Variants in STKLD1 observed in about 807,000 individuals in gnomAD.
The protein encoded by STKLD1 is serine/threonine kinase-like domain-containing protein STKLD1.
In STKLD1, 79 loss-of-function variants were observed where a neutral mutation model predicts 80.4. That is an observed-to-expected ratio of 0.98 (90% CI 0.82 to 1.19). The LOEUF (loss-of-function observed/expected upper bound fraction) is 1.19, where lower values mean the gene tolerates loss of function less well. Among genes scored for constraint, STKLD1 ranks in the 50% most tolerant of loss-of-function variants. The pLI, the probability that STKLD1 is intolerant of heterozygous loss-of-function variation, is 0.00. For synonymous variants in STKLD1, 393 were observed against 357.6 expected (o/e 1.10, Z -1.12); for missense variants, 841 against 856.0 (o/e 0.98, Z 0.22).
At chr9:133,392,490 G>A (rs1365738932) in intron 7 of STKLD1, among the ~76,000 whole-genome samples, 2 of 150,538 alleles carry the variant, frequency 1.3e-5, no homozygotes, top group African/African-American at 4.9e-5. Flanking sequence ...TGGATGGATG[G>A]ATAGGTGGGT....
At position 133,387,461 on chromosome 9, in the gene STKLD1, C is replaced by T. The variant is rs2130279640; in HGVS notation, c.309C>T (p.Tyr103=). The T allele has an allele frequency of 1.1e-5, 17 of 1,613,850 alleles. No individual in the cohort carries two copies. The highest frequency in any genetic ancestry group is 1.7e-5 in the Admixed American group (1 of 60,008). ...ITWNGEISSL[Y]LCLVMEFNEL... ...TGTCCCAGCAGATCTCTTCTCTGTA[C>T]CTCTGCCTGGTGATGGAGTTCAATG... The change falls in exon 5 of 18, where the codon TAC becomes TAT. Residue 103 remains tyrosine, a synonymous_variant. Coordinates refer to ENST00000371957, the MANE Select transcript of STKLD1 (RefSeq NM_153710.5).
At chr9:133,400,282 T>C in intron 11 of STKLD1, 131 bp from the exon 12 acceptor site, 2 of 680,264 alleles carry the variant, frequency 2.9e-6, no homozygotes, top group East Asian at 2.6e-5. Flanking sequence ...CTAATCCTCA[T>C]TGTCCTTCCC....
At chr9:133,399,408 C>T (rs1253595442) in intron 11 of STKLD1, among the ~76,000 whole-genome samples, 1 of 152,182 alleles carries the variant, frequency 6.6e-6, no homozygotes, top group Non-Finnish European at 1.5e-5. Context: ...TTACCATTCC[C>T]TCCCTCCCCT....
intron 10 of STKLD1, among the ~76,000 whole-genome samples, 195 bp from the exon 11 acceptor site, chr9:133,397,777 T>C (rs1359747552): frequency 6.6e-6 from 1 of 152,162 alleles, no homozygotes; most frequent in Non-Finnish European, 1.5e-5. Context: ...TTGGGTTCTA[T>C]TAAGGAAAAG....
chr9:133,383,285 T>G (rs1209849465), intron 2 of STKLD1, among the ~76,000 whole-genome samples: 1 of 870 alleles, frequency 1.1e-3, no homozygotes, highest in Non-Finnish European at 2.4e-3. Flanking sequence ...ATGGTGGTGG[T>G]GTGATGATGT....
chr9:133,398,428 C>T lies in STKLD1; in HGVS notation c.1081+373C>T, dbSNP rs113774505. On this transcript the variant is annotated intron_variant, in intron 11 of 17. Coordinates refer to ENST00000371957, the MANE Select transcript of STKLD1 (RefSeq NM_153710.5). ...GCACTTGTTTCCGTAGCACAGATTC[C>T]TAGATGTTCAAGAGTGTGAATACTT... Among the ~76,000 whole-genome samples, 276 of 152,294 alleles carry T rather than the reference C, an allele frequency of 1.8e-3. 4 individuals carry two copies. In the Middle Eastern group the frequency reaches 0.031, roughly 17 times the overall value.
At chr9:133,378,913 AGCCACTT>A in intron 1 of STKLD1, 116 bp from the exon 2 acceptor site, 1 of 759,990 alleles carries the variant, frequency 1.3e-6, no homozygotes, top group Admixed American at 2.7e-5. Flanking sequence ...GATGGGGTGG[AGCCACTT>A]GCTCTGCCAG....
At chr9:133,396,623 G>A (rs990053700) in intron 9 of STKLD1, among the ~76,000 whole-genome samples, 1 of 151,998 alleles carries the variant, frequency 6.6e-6, no homozygotes, top group Non-Finnish European at 1.5e-5. Context: ...TGGGCATGGT[G>A]GGGTGCGCCT....
chr9:133,392,021 C>T (rs1486072899), intron 7 of STKLD1, among the ~76,000 whole-genome samples: 3 of 150,690 alleles, frequency 2.0e-5, no homozygotes, highest in African/African-American at 7.3e-5. Flanking sequence ...AGAGATCAAC[C>T]ACAGAGGAGG....
chr9:133,383,305 A>G (rs1478784173), intron 2 of STKLD1, among the ~76,000 whole-genome samples: 36 of 518 alleles, frequency 0.069, 2 homozygotes, highest in Non-Finnish European at 0.085. Flanking sequence ...TGATGGTGGT[A>G]ATGGTGGTGG....
rs36091105 is a variant in STKLD1 at position 133,394,682 on chromosome 9, C to T, written c.702+273C>T. 22,508 of 447,496 alleles carry T rather than the reference C, an allele frequency of 0.05. 768 individuals are homozygous for T. The highest frequency in any genetic ancestry group is 0.069 in the Non-Finnish European group (16,912 of 244,424). The allele number at this position is 447,496 out of a possible 1,614,324, so 27.7% of individuals were successfully genotyped here. ...CGCAGCAGCCCTCCAGGTGGTGTCA[C>T]TGACTCTTGATGGAGAAAAGCCAAG... On this transcript the variant is annotated intron_variant, in intron 8 of 17. Coordinates refer to ENST00000371957, the MANE Select transcript of STKLD1 (RefSeq NM_153710.5). This position sits in a 1 kb window ranked among gnomAD's most constrained non-coding sequence, Gnocchi z 4.9.
chr9:133,401,329 G>T (rs960176286), intron 12 of STKLD1, among the ~76,000 whole-genome samples: 1 of 152,064 alleles, frequency 6.6e-6, no homozygotes, highest in African/African-American at 2.4e-5. Flanking sequence ...AGTAGAGACG[G>T]GTTTCACCAT....
chr9:133,405,467 A>G lies in STKLD1; in HGVS notation c.*46A>G. 1 of 1,534,996 alleles carries G rather than the reference A, an allele frequency of 6.5e-7. No homozygotes were observed. Among genetic ancestry groups the G allele is most frequent in the Non-Finnish European group, 8.7e-7 (1 of 1,143,248 alleles). ...TTGATCTCCACGTGTATAGTTTTCA[A>G]GACTGCTCTCCTGCCTGCCTATTAT... On this transcript the variant is annotated 3_prime_UTR_variant, in exon 18 of 18. Coordinates refer to ENST00000371957, the MANE Select transcript of STKLD1 (RefSeq NM_153710.5).
chr9:133,395,527 G>T, intron 8 of STKLD1, 73 bp from the exon 9 acceptor site: 1 of 1,508,724 alleles, frequency 6.6e-7, no homozygotes, highest in Non-Finnish European at 8.9e-7. Flanking sequence ...GTCCCTGGTC[G>T]TCCCCTGCCC....
chr9:133,381,287 G>A (rs1415707482), intron 2 of STKLD1, among the ~76,000 whole-genome samples: 2 of 151,038 alleles, frequency 1.3e-5, no homozygotes, highest in African/African-American at 2.4e-5. Flanking sequence ...TTACAGGCAC[G>A]TGCCACCACA....
At chr9:133,400,381 A>C in intron 11 of STKLD1, 32 bp from the exon 12 acceptor site, 1 of 1,569,228 alleles carries the variant, frequency 6.4e-7, no homozygotes, top group Non-Finnish European at 8.7e-7. Flanking sequence ...CTGGCCCAAA[A>C]TGAGTCTCCC....
At chr9:133,403,622 A>C in intron 14 of STKLD1, 78 bp from the exon 15 acceptor site, 1 of 1,533,848 alleles carries the variant, frequency 6.5e-7, no homozygotes, top group Non-Finnish European at 8.8e-7. Flanking sequence ...GGAGGAAGGC[A>C]GCAGATGGGG....
At chr9:133,383,294 G>GGTAA (rs1374172249) in intron 2 of STKLD1, among the ~76,000 whole-genome samples, 1 of 928 alleles carries the variant, frequency 1.1e-3, no homozygotes. Flanking sequence ...GTGTGATGAT[G>GGTAA]TGATGGTGGT....
In STKLD1 at chr9:133,405,498, C is replaced by G; in HGVS notation, c.*77C>G. ...CTCTCCTGCCTGCCTATTATCCCATCTCTATGACTGGGCCAAAATCAATCT... is the reference window on the plus strand; with the variant it reads ...CTCTCCTGCCTGCCTATTATCCCATGTCTATGACTGGGCCAAAATCAATCT... On this transcript the variant is annotated 3_prime_UTR_variant, in exon 18 of 18. Coordinates refer to ENST00000371957, the MANE Select transcript of STKLD1 (RefSeq NM_153710.5). 7.0e-7 allele frequency: 1 copy of G among 1,436,094 alleles called. No individual in the cohort carries two copies. The highest frequency in any genetic ancestry group is 1.9e-4 in the Middle Eastern group (1 of 5,170). 89.0% of individuals were successfully genotyped at this position (1,436,094 alleles called of 1,614,324 possible). A position where few individuals can be genotyped will look rare whatever the true frequency, so the allele number is the denominator to read the frequency against.
Sources: gnomAD v4.1 joint callset for allele counts (sites outside exome capture counted in the v4.1 genomes callset) on GRCh38, gnomAD v4.1.1 for gene constraint, Gnocchi (gnomAD v3.1) non-coding constraint, MANE v1.5 for transcripts, NCBI Gene and HGNC (gene_info 2026-07-23, HGNC 2026-07-21) for gene names.